PRDM1: variants seen among roughly 807,000 people sequenced by gnomAD.
PRDM1 encodes PR domain zinc finger protein 1.
Under a neutral mutation model 62.8 loss-of-function variants are expected in PRDM1, and 13 were observed. The ratio of observed to expected loss-of-function variants is 0.21; its 90% CI spans 0.13 to 0.33. The LOEUF (loss-of-function observed/expected upper bound fraction) is 0.33, where lower values mean the gene tolerates loss of function less well. Among genes scored for constraint, PRDM1 ranks in the 10% least tolerant of loss-of-function variants. The probability of loss-of-function intolerance (pLI) is 1.00; values close to 1 mark genes in which losing one functional copy is unlikely to be tolerated. For synonymous variants in PRDM1, 396 were observed against 417.6 expected (o/e 0.95, Z 0.63); for missense variants, 895 against 1,058.8 (o/e 0.85, Z 2.15).
chr6:106,011,914 A>G (rs1772554227), intron 1 of PRDM1, among the ~76,000 whole-genome samples: 1 of 150,418 alleles, frequency 6.6e-6, no homozygotes, highest in South Asian at 2.1e-4. Flanking sequence ...CACTATACAC[A>G]CATACCACAC....
intron 1 of PRDM1, among the ~76,000 whole-genome samples, chr6:105,995,275 G>A (rs1772335075): frequency 6.6e-6 from 1 of 152,210 alleles, no homozygotes; most frequent in African/African-American, 2.4e-5. Context: ...GGCTGGGCAT[G>A]TTCGTGCAGC....
intron 1 of PRDM1, among the ~76,000 whole-genome samples, chr6:106,030,996 C>CTTTTTTTTTTTTTTTTT (rs11343130): frequency 1.5e-5 from 2 of 135,314 alleles, no homozygotes; most frequent in Non-Finnish European, 1.6e-5. Flanking sequence ...TGTATTCTCT[C>CTTTTTTTTTTTTTTTTT]TTTTTTTTTT....
chr6:106,086,314 A>C (rs1272902588), upstream of PRDM1: 3 of 438,624 alleles, frequency 6.8e-6, no homozygotes, highest in East Asian at 1.0e-4. Flanking sequence ...AATCTTAAGC[A>C]GGGAGGGGAA....
intron 1 of PRDM1, among the ~76,000 whole-genome samples, chr6:106,042,294 GC>G (rs1773008086): frequency 6.6e-6 from 1 of 151,084 alleles, no homozygotes; most frequent in Non-Finnish European, 1.5e-5. Flanking sequence ...GTCGAGGCGG[GC>G]AGATCACCTG....
chr6:106,077,967 G>A (rs768196109), intron 1 of PRDM1, among the ~76,000 whole-genome samples: 2 of 152,192 alleles, frequency 1.3e-5, no homozygotes, highest in Non-Finnish European at 2.9e-5. Flanking sequence ...GATCTTTCTT[G>A]CTCGGTAAAT....
upstream of PRDM1, chr6:106,086,242 C>T (rs1773798974): frequency 7.7e-6 from 3 of 387,500 alleles, no homozygotes; most frequent in Non-Finnish European, 1.4e-5. Flanking sequence ...GCCCTGGGCT[C>T]GGCCAGGTGG....
chr6:106,092,659 C>T (rs1183319979), intron 2 of PRDM1, among the ~76,000 whole-genome samples: 3 of 152,206 alleles, frequency 2.0e-5, no homozygotes, highest in Non-Finnish European at 4.4e-5. Context: ...CTGGATCTTT[C>T]TAGGACCAGA....
intron 1 of PRDM1, among the ~76,000 whole-genome samples, chr6:106,080,698 G>A (rs1773680426): frequency 6.6e-6 from 1 of 152,216 alleles, no homozygotes; most frequent in African/African-American, 2.4e-5. Flanking sequence ...CATGGTGGCA[G>A]TACACATCCT....
rs1325359787 is a variant in PRDM1 at position 106,025,970 on chromosome 6, TC to T, written c.-67+32332del. 5.9e-5 allele frequency among the ~76,000 whole-genome samples: 9 copies of T among 152,334 alleles called. No homozygotes were observed. The East Asian group carries it at 1.7e-3, about 29-fold the overall frequency. The stretch of plus-strand genomic sequence containing the variant: ...CATTATGAAGGCAGTTTATTTCATT[TC>T]TCTTTTCCTTTCTTTGAATCATCTT... On this transcript the variant is annotated intron_variant, in intron 1 of 6. Coordinates refer to the PRDM1 transcript ENST00000652320.
rs1774454655 is a variant in PRDM1, at chr6:106,105,614, G to A, written c.1454G>A (p.Arg485Lys). The A allele has an allele frequency of 6.2e-7, 1 of 1,613,448 alleles. No homozygotes were observed. The part of the protein sequence containing the change: ...ARRLLQPEHP[R>K]EVLVPAPHSA... ...AGGTTGCTCCAGCCGGAGCATCCCAGGGAGGTGCTTGTCCCGGCGCCCCAC... is the reference window on the plus strand; with the variant it reads ...AGGTTGCTCCAGCCGGAGCATCCCAAGGAGGTGCTTGTCCCGGCGCCCCAC... The change falls in exon 5 of 7, where the codon AGG becomes AAG. Residue 485 changes from arginine (R) to lysine (K), a missense_variant. Around this residue, in one of 4 missense-constraint regions of PRDM1, gnomAD observed 444 missense variants for 422.7 expected, o/e 1.05. Transcript: ENST00000369096.
At chr6:106,044,570 C>T (rs550008729), upstream of PRDM1, among the ~76,000 whole-genome samples, 17 of 152,202 alleles carry the variant, frequency 1.1e-4, no homozygotes, top group Non-Finnish European at 2.1e-4. Flanking sequence ...TTTCTCCAGT[C>T]TTTTACCAGT....
chr6:106,086,431 C>T lies in PRDM1; in HGVS notation c.-123C>T. 1.1e-6 allele frequency: 1 copy of T among 874,036 alleles called. No individual in the cohort carries two copies. The highest frequency in any genetic ancestry group is 1.7e-5 in the South Asian group (1 of 60,070). The allele number at this position is 874,036 out of a possible 1,614,324, so 54.1% of individuals were successfully genotyped here. On this transcript the variant is annotated 5_prime_UTR_variant, in exon 1 of 7. Coordinates refer to ENST00000369096, the MANE Select transcript of PRDM1 (RefSeq NM_001198.4). The stretch of plus-strand genomic sequence containing the variant: ...CACCTGTCCGCCCGGAGCTGGGACG[C>T]GGGCGCCCGGGCGGCCGGACGAAGC...
At chr6:106,104,430 C>G (rs1469458847) in intron 4 of PRDM1, among the ~76,000 whole-genome samples, 1 of 152,126 alleles carries the variant, frequency 6.6e-6, no homozygotes, top group Non-Finnish European at 1.5e-5. Flanking sequence ...AGGCTGGTCT[C>G]GAACTTCCGA....
intron 1 of PRDM1, among the ~76,000 whole-genome samples, chr6:106,052,423 G>A (rs77751429): frequency 0.019 from 2,871 of 152,092 alleles, 91 homozygotes; most frequent in African/African-American, 0.067. Flanking sequence ...GGTTATTGAT[G>A]CCTTTAATGT....
Position 106,106,424 on chromosome 6 carries a change from C to T in PRDM1, c.1827C>T (p.Asn609=), listed in dbSNP as rs751501819. ...GERPFKCQTC[N]KGFTQLAHLQ... ...GGCCTTTCAAATGTCAGACTTGCAA[C>T]AAGGGCTTTACTCAGCTCGCCCACC... is the stretch of plus-strand genomic sequence containing the variant. The change falls in exon 6 of 7, where the codon AAC becomes AAT. Residue 609 remains asparagine (N), a synonymous_variant. Coordinates refer to ENST00000369096, the MANE Select transcript of PRDM1 (RefSeq NM_001198.4). The surrounding 1 kb of genome is among the most constrained non-coding windows in gnomAD (Gnocchi z 4.4). 9.9e-6 allele frequency: 16 copies of T among 1,614,052 alleles called. No homozygotes were observed. Among genetic ancestry groups the T allele is most frequent in the Non-Finnish European group, 1.3e-5 (15 of 1,180,028 alleles).
chr6:106,056,440 C>T (rs1773269199), intron 1 of PRDM1, among the ~76,000 whole-genome samples: 2 of 152,222 alleles, frequency 1.3e-5, no homozygotes, highest in Admixed American at 6.5e-5. Context: ...AACTGCCCCA[C>T]TCTTCAGACA....
intron 1 of PRDM1, among the ~76,000 whole-genome samples, chr6:106,065,063 G>A (rs1212270522): frequency 6.6e-6 from 1 of 152,178 alleles, no homozygotes; most frequent in Non-Finnish European, 1.5e-5. Context: ...TCTGATCTCT[G>A]GGGTAGTTGG....
upstream of PRDM1, among the ~76,000 whole-genome samples, chr6:106,044,194 C>CTTTTTTTTTTTTTTTTT (rs559769433): frequency 7.0e-5 from 9 of 128,102 alleles, no homozygotes; most frequent in African/African-American, 1.4e-4. Context: ...TTTTTTCTTT[C>CTTTTTTTTTTTTTTTTT]TTTTTTTTTT....
At chr6:106,030,200 G>A (rs946690542) in intron 1 of PRDM1, among the ~76,000 whole-genome samples, 2 of 152,066 alleles carry the variant, frequency 1.3e-5, no homozygotes, top group African/African-American at 4.8e-5. Flanking sequence ...ACACAGTCTT[G>A]TTTTGTCACC....
Sources: gnomAD v4.1 joint callset for allele counts (sites outside exome capture counted in the v4.1 genomes callset) on GRCh38, gnomAD v4.1.1 for gene constraint, gnomAD v4.1.1 regional missense constraint, Gnocchi (gnomAD v3.1) non-coding constraint, MANE v1.5 for transcripts, NCBI Gene and HGNC (gene_info 2026-07-23, HGNC 2026-07-21) for gene names.